SPTB: variants seen among roughly 807,000 people sequenced by gnomAD.
SPTB encodes the protein spectrin beta chain, erythrocytic.
In SPTB, 45 loss-of-function variants were observed where a neutral mutation model predicts 256.2. That is an observed-to-expected ratio of 0.18 (90% CI 0.14 to 0.23). SPTB has a LOEUF of 0.23. SPTB is among the 10% of genes least tolerant of loss of function. SPTB has a pLI of 1.00. For synonymous variants in SPTB, 1,231 were observed against 1,243.1 expected, an observed-to-expected ratio of 0.99 and a Z score of 0.21; for missense variants, 2,715 against 3,040.4, an observed-to-expected ratio of 0.89 and a Z score of 2.52.
chr14:64,773,087 G>T, intron 25 of SPTB, 133 bp from the exon 26 acceptor site: 1 of 1,550,140 alleles, frequency 6.5e-7, no homozygotes, highest in Non-Finnish European at 8.8e-7. Flanking sequence ...CCCAGGGCAG[G>T]CCTGCATCGG....
Position 64,801,331 on chromosome 14 carries a change from A to G in SPTB, c.717T>C (p.Asn239=). The G allele has an allele frequency of 6.2e-7, 1 of 1,614,188 alleles. No homozygotes were observed. The highest frequency in any genetic ancestry group is 8.5e-7 in the Non-Finnish European group (1 of 1,180,010). ...NARHNLEHAF[N]VAERQLGIIP... The stretch of plus-strand genomic sequence containing the variant: ...TGATGCCCAGCTGGCGCTCAGCCAC[A>G]TTGAATGCGTGCTCCAGGTTGTGCC... Residue 239 remains asparagine (N), a synonymous_variant, in exon 7 of 36, where the codon AAT becomes AAC. Transcript: ENST00000644917.
chr14:64,836,984 A>G (rs905343350), intron 1 of SPTB, among the ~76,000 whole-genome samples: 7 of 152,256 alleles, frequency 4.6e-5, no homozygotes, highest in Non-Finnish European at 1.0e-4. Flanking sequence ...CAGGCTATTC[A>G]GCACCTTCAA....
chr14:64,811,716 C>CT (rs1383657413), intron 2 of SPTB, among the ~76,000 whole-genome samples: 2 of 152,154 alleles, frequency 1.3e-5, no homozygotes, highest in Non-Finnish European at 2.9e-5. Flanking sequence ...TTTGTCTCTA[C>CT]TTTTTTACCA....
chr14:64,794,484 T>C lies in SPTB; in HGVS notation c.1778A>G (p.Lys593Arg). ...GGTCTCACCTTTCCCCTCGGTGAAC[T>C]TCAGGGTGGCTGCGGTGATGGCCTT... ...KVKAITAATL[K>R]FTEGKGYQPC... is the part of the protein sequence containing the mutation. The change falls in exon 13 of 36, where the codon AAG becomes AGG. Residue 593 changes from lysine to arginine, a missense_variant. Coordinates refer to ENST00000644917, the MANE Select transcript of SPTB (RefSeq NM_001355436.2). 1.2e-6 allele frequency: 2 copies of C among 1,614,218 alleles called. No homozygotes were observed. Among genetic ancestry groups the C allele is most frequent in the Non-Finnish European group, 1.7e-6 (2 of 1,180,046 alleles).
intron 1 of SPTB, among the ~76,000 whole-genome samples, chr14:64,879,424 C>A (rs1056617214): frequency 2.0e-5 from 3 of 152,248 alleles, no homozygotes; most frequent in Non-Finnish European, 4.4e-5. Flanking sequence ...GAGGCGCAAT[C>A]CCCTTCGCTC....
chr14:64,859,720 C>CTCTA (rs1405652027), intron 1 of SPTB, among the ~76,000 whole-genome samples: 1 of 17,870 alleles, frequency 5.6e-5, no homozygotes, highest in East Asian at 4.4e-4. Flanking sequence ...CTCTCTCTCT[C>CTCTA]TATATATATA....
chr14:64,753,924 T>A, intron 32 of SPTB, 131 bp from the exon 33 acceptor site: 1 of 1,255,900 alleles, frequency 8.0e-7, no homozygotes, highest in South Asian at 1.3e-5. Context: ...TACTCCCACC[T>A]CCTGGCCCAC....
intron 32 of SPTB, among the ~76,000 whole-genome samples, chr14:64,765,504 C>T (rs1479284416): frequency 6.6e-6 from 1 of 152,152 alleles, no homozygotes; most frequent in East Asian, 1.9e-4. Context: ...GTCTTGGGCT[C>T]TCCCTGTCCC....
chr14:64,791,006 G>C (rs1245163371), intron 15 of SPTB, among the ~76,000 whole-genome samples: 2 of 152,174 alleles, frequency 1.3e-5, no homozygotes, highest in African/African-American at 4.8e-5. Context: ...TTATTTTATG[G>C]ACAGTACTTA....
At chr14:64,872,873 T>C (rs1413462274) in intron 1 of SPTB, among the ~76,000 whole-genome samples, 1 of 152,236 alleles carries the variant, frequency 6.6e-6, no homozygotes, top group African/African-American at 2.4e-5. Flanking sequence ...TGCCACCATG[T>C]ATGACATGCC....
At position 64,800,811 on chromosome 14, in the gene SPTB, T is replaced by C; in HGVS notation, c.821A>G (p.Tyr274Cys). ...KSIITYVVAF[Y>C]HYFSKMKVLA... The stretch of plus-strand genomic sequence containing the variant: ...CACCTTCATCTTGGAGAAGTAGTGG[T>C]AAAAGGCCACCACATAGGTGATGAT... Residue 274 changes from tyrosine to cysteine, a missense_variant, in exon 8 of 36, where the codon TAC (tyrosine) becomes TGC (cysteine). Transcript: ENST00000644917. 6.2e-7 allele frequency: 1 copy of C among 1,614,198 alleles called. No individual in the cohort carries two copies. The highest frequency in any genetic ancestry group is 8.5e-7 in the Non-Finnish European group (1 of 1,180,044).
chr14:64,779,081 G>A lies in SPTB; in HGVS notation c.4563+76C>T. The A allele has an allele frequency of 8.3e-7, 1 of 1,198,010 alleles. No homozygotes were observed. Among genetic ancestry groups the A allele is most frequent in the Non-Finnish European group, 1.2e-6 (1 of 821,632 alleles). The allele number at this position is 1,198,010 out of a possible 1,614,324, so 74.2% of individuals were successfully genotyped here. A position where few individuals can be genotyped will look rare whatever the true frequency, so the allele number is the denominator to read the frequency against. On this transcript the variant is annotated intron_variant, in intron 22 of 35. Coordinates refer to ENST00000644917, the MANE Select transcript of SPTB (RefSeq NM_001355436.2). This position sits in a 1 kb window ranked among gnomAD's most constrained non-coding sequence, Gnocchi z 4.2. ...CTGTTGCTAGCCTTCTGCAGGTCAG[G>A]GCTGGGCCTACCCCCGTGGGGCCAG...
In SPTB at chr14:64,799,856, C is replaced by G; in HGVS notation, c.955G>C (p.Glu319Gln). 1 of 1,614,248 alleles carries G rather than the reference C, an allele frequency of 6.2e-7. No homozygotes were observed. The change falls in exon 9 of 36, where the codon GAG becomes CAG. Residue 319 changes from glutamate to glutamine, a missense_variant. Physicochemically the swap from Glu to Gln is conservative, Grantham distance 29. Transcript: ENST00000644917. ...GLASDLLTWI[E>Q]QTITVLNSRK... ...CTGTTCAGGACAGTGATGGTCTGCT[C>G]GATCCAGGTGAGCAGGTCCGAGGCT... is the stretch of plus-strand genomic sequence containing the variant.
At position 64,825,927 on chromosome 14, in the gene SPTB, C is replaced by T. The variant is rs908031323; in HGVS notation, c.-51-2782G>A. 1.3e-5 allele frequency among the ~76,000 whole-genome samples: 2 copies of T among 152,182 alleles called. No homozygotes were observed. Among genetic ancestry groups the T allele is most frequent in the African/African-American group, 4.8e-5 (2 of 41,434 alleles). ...AGGCAGCAGCCGGGCAGCAGCTCTG[C>T]CAGGAATGGGAAGAGATGTATATGT... On this transcript the variant is annotated intron_variant, in intron 1 of 35. Coordinates refer to ENST00000644917, the MANE Select transcript of SPTB (RefSeq NM_001355436.2). This position sits in a 1 kb window ranked among gnomAD's most constrained non-coding sequence, Gnocchi z 4.8.
At chr14:64,817,917 T>C (rs1345017119) in intron 2 of SPTB, among the ~76,000 whole-genome samples, 1 of 152,210 alleles carries the variant, frequency 6.6e-6, no homozygotes, top group East Asian at 1.9e-4. Flanking sequence ...TGAAGACAGT[T>C]AAGGCTCAGA....
rs35360840 is a variant in SPTB at position 64,866,869 on chromosome 14, C to CT, written c.-52+12922dup. 2.0e-5 allele frequency among the ~76,000 whole-genome samples: 3 copies of CT among 151,924 alleles called. No homozygotes were observed. Among genetic ancestry groups the CT allele is most frequent in the African/African-American group, 4.8e-5 (2 of 41,340 alleles). ...AAACCTCTATACAGGAATTTTCAGT[C>CT]TTTTTTTTCTGAAGTGCTTTTCTTA... On this transcript the variant is annotated intron_variant, in intron 1 of 35. Transcript: ENST00000644917. This position sits in a 1 kb window ranked among gnomAD's most constrained non-coding sequence, Gnocchi z 4.6.
intron 1 of SPTB, among the ~76,000 whole-genome samples, chr14:64,862,719 C>A (rs374651175): frequency 6.6e-6 from 1 of 151,688 alleles, no homozygotes; most frequent in African/African-American, 2.4e-5. Flanking sequence ...ACTAAAAATA[C>A]GAAAAATTAG....
chr14:64,772,688 C>G lies in SPTB; in HGVS notation c.5445G>C (p.Glu1815Asp). The change falls in exon 26 of 36, where the codon GAG becomes GAC. Residue 1815 changes from glutamate (E) to aspartate (D), a missense_variant. Physicochemically the swap from Glu to Asp is conservative, Grantham distance 45. Transcript: ENST00000644917. This position sits in a 1 kb window ranked among gnomAD's most constrained non-coding sequence, Gnocchi z 5.4. The part of the protein sequence containing the change: ...TGAEILGLID[E>D]KHRELPEDVG... ...CGTCCTCGGGCAGCTCGCGGTGCTT[C>G]TCGTCGATGAGGCCCAGGATCTCGG... The G allele has an allele frequency of 6.2e-7, 1 of 1,613,794 alleles. No individual in the cohort carries two copies. The highest frequency in any genetic ancestry group is 1.3e-5 in the African/African-American group (1 of 75,048).
At chr14:64,750,935 T>C (rs1474562306) in intron 33 of SPTB, among the ~76,000 whole-genome samples, 2 of 128,930 alleles carry the variant, frequency 1.6e-5, no homozygotes, top group Non-Finnish European at 3.2e-5. Context: ...ACATTATATA[T>C]CATATACTAT....
Sources: allele counts gnomAD v4.1 joint callset (sites outside exome capture counted in the v4.1 genomes callset), GRCh38; gene constraint gnomAD v4.1.1; non-coding constraint Gnocchi (gnomAD v3.1); transcripts MANE v1.5; gene names NCBI Gene and HGNC (gene_info 2026-07-23, HGNC 2026-07-21).